Variants in SLTM observed in about 807,000 individuals in gnomAD.
SLTM encodes the protein SAFB-like transcription modulator.
A neutral mutation model predicts 134.6 loss-of-function variants in SLTM; 43 were observed. The ratio of observed to expected loss-of-function variants is 0.32; its 90% CI spans 0.25 to 0.41. SLTM has a LOEUF of 0.41. SLTM is among the 10% of genes least tolerant of loss of function. SLTM has a pLI of 1.00. For synonymous variants in SLTM, 424 were observed against 432.3 expected, an observed-to-expected ratio of 0.98 and a Z score of 0.24; for missense variants, 1,055 against 1,288.8, an observed-to-expected ratio of 0.82 and a Z score of 2.78.
chr15:58,886,332 T>C (rs1259593439), intron 19 of SLTM, among the ~76,000 whole-genome samples: 2 of 149,910 alleles, frequency 1.3e-5, no homozygotes, highest in African/African-American at 2.4e-5. Context: ...AGTGGCACCA[T>C]CTTGGCTCAC....
chr15:58,890,399 C>T lies in SLTM; in HGVS notation c.1961G>A (p.Arg654Gln). 1.9e-6 allele frequency: 3 copies of T among 1,614,032 alleles called. No individual in the cohort carries two copies. The highest frequency in any genetic ancestry group is 1.7e-5 in the Admixed American group (1 of 60,004). Residue 654 changes from arginine to glutamine, a missense_variant, in exon 15 of 21, where the codon CGG becomes CAG. Arg to Gln is a conservative substitution (Grantham distance 43). This residue lies in a region of SLTM where 776 missense variants were observed against 962.2 expected (regional missense o/e 0.81). Transcript: ENST00000380516. ...ERERIRIIREREERERLQRER... is the reference protein window; with the variant it reads ...ERERIRIIREQEERERLQRER... ...TCTCTGTAAGCGTTCCCGTTCTTCC[C>T]GTTCACGAATTATTCTAATGCGTTC... is the stretch of plus-strand genomic sequence containing the variant.
At chr15:58,931,133 T>C (rs1454355969) in intron 2 of SLTM, among the ~76,000 whole-genome samples, 2 of 152,200 alleles carry the variant, frequency 1.3e-5, no homozygotes, top group Admixed American at 6.5e-5. Flanking sequence ...TTGTTGGCAG[T>C]CTTCTCATGA....
Position 58,933,575 on chromosome 15 carries a change from G to A in SLTM, c.-10C>T, listed in dbSNP as rs764407403. ...CGGTAGCGGCAGCCATCTTAGAAGAGCAGCGCGCTGCCGAGGCAGCGAGTG... is the reference window on the plus strand; with the variant it reads ...CGGTAGCGGCAGCCATCTTAGAAGAACAGCGCGCTGCCGAGGCAGCGAGTG... On this transcript the variant is annotated 5_prime_UTR_variant, in exon 1 of 21. Transcript: ENST00000380516. The A allele has an allele frequency of 6.4e-7, 1 of 1,570,930 alleles. No homozygotes were observed. Among genetic ancestry groups the A allele is most frequent in the Non-Finnish European group, 8.6e-7 (1 of 1,160,692 alleles).
chr15:58,896,550 G>C (rs1235707500), intron 9 of SLTM, among the ~76,000 whole-genome samples: 7 of 151,642 alleles, frequency 4.6e-5, no homozygotes, highest in Admixed American at 4.6e-4. Context: ...GACACAGTGA[G>C]ACTGTGTCTC....
At chr15:58,882,857 G>T (rs1157724680) in intron 20 of SLTM, among the ~76,000 whole-genome samples, 2 of 152,250 alleles carry the variant, frequency 1.3e-5, no homozygotes, top group African/African-American at 4.8e-5. Flanking sequence ...AGAAAGTAAA[G>T]CTCGCCTCTT....
intron 13 of SLTM, 103 bp downstream of exon 13, chr15:58,893,176 G>A: frequency 1.4e-6 from 2 of 1,408,562 alleles, no homozygotes; most frequent in Admixed American, 2.4e-5. Context: ...TTTTTCTTGG[G>A]TTTGCTAGCA....
chr15:58,910,970 T>G (rs1249316073), intron 5 of SLTM, among the ~76,000 whole-genome samples: 3 of 152,040 alleles, frequency 2.0e-5, no homozygotes, highest in African/African-American at 7.3e-5. Flanking sequence ...TGTCTCCAAC[T>G]CCTGACCTTG....
intron 2 of SLTM, among the ~76,000 whole-genome samples, chr15:58,922,114 G>A (rs2037092659): frequency 6.6e-6 from 1 of 151,818 alleles, no homozygotes; most frequent in Non-Finnish European, 1.5e-5. Context: ...GGTGGCTCAC[G>A]CCTGTAATCC....
At chr15:58,916,600 T>C (rs896192955) in intron 3 of SLTM, 13 of 183,442 alleles carry the variant, frequency 7.1e-5, no homozygotes, top group Admixed American at 2.4e-4. Flanking sequence ...AAAAACAAAT[T>C]ACCAATATCC....
At chr15:58,896,320 A>G (rs1242764543) in intron 9 of SLTM, among the ~76,000 whole-genome samples, 1 of 152,114 alleles carries the variant, frequency 6.6e-6, no homozygotes, top group African/African-American at 2.4e-5. Flanking sequence ...GCACTTTGGG[A>G]GGCTGAGACT....
chr15:58,906,402 T>C (rs1162096386), intron 5 of SLTM, among the ~76,000 whole-genome samples: 1 of 152,240 alleles, frequency 6.6e-6, no homozygotes, highest in East Asian at 1.9e-4. Context: ...CAGTGGGATG[T>C]GCAATCCTTA....
intron 8 of SLTM, chr15:58,898,567 T>C: frequency 4.9e-6 from 2 of 404,718 alleles, no homozygotes; most frequent in South Asian, 2.6e-5. Context: ...AAGTGTTCCC[T>C]AGCTAATGGG....
intron 5 of SLTM, among the ~76,000 whole-genome samples, chr15:58,909,645 T>C (rs991510335): frequency 6.6e-5 from 10 of 152,200 alleles, no homozygotes; most frequent in East Asian, 1.9e-4. Context: ...TGCATCCAAA[T>C]AGAAGAATAC....
At chr15:58,891,007 A>C (rs2140979169) in intron 14 of SLTM, among the ~76,000 whole-genome samples, 1 of 152,334 alleles carries the variant, frequency 6.6e-6, no homozygotes, top group African/African-American at 2.4e-5. Flanking sequence ...TCCAGGTAAC[A>C]TGCTTTTCTG....
intron 5 of SLTM, among the ~76,000 whole-genome samples, chr15:58,902,474 C>T (rs2035553404): frequency 6.6e-6 from 1 of 151,508 alleles, no homozygotes; most frequent in Middle Eastern, 3.4e-3. Flanking sequence ...GCAGCCTCAA[C>T]CCCTGGGCTC....
Position 58,888,465 on chromosome 15 carries a change from C to A in SLTM, c.2295G>T (p.Gln765His). The stretch of plus-strand genomic sequence containing the variant: ...GGTGATCAAAGTCATTAAATCTGTT[C>A]TGTTGGCGAGAGTAGTCGGATCCAT... ...FGHGSDYSRQ[Q>H]NRFNDFDHRE... The change falls in exon 17 of 21, where the codon CAG becomes CAT. Residue 765 changes from glutamine (Q) to histidine (H), a missense_variant. Physicochemically the swap from Gln to His is conservative, Grantham distance 24. Coordinates refer to ENST00000380516, the MANE Select transcript of SLTM (RefSeq NM_024755.4). 1 of 1,614,094 alleles carries A rather than the reference C, an allele frequency of 6.2e-7. No homozygotes were observed. Among genetic ancestry groups the A allele is most frequent in the South Asian group, 1.1e-5 (1 of 91,072 alleles).
chr15:58,923,061 A>C (rs563569028), intron 2 of SLTM, among the ~76,000 whole-genome samples: 1 of 152,218 alleles, frequency 6.6e-6, no homozygotes, highest in Admixed American at 6.6e-5. Context: ...CCTATGCTGG[A>C]CACATGGAAA....
At position 58,899,102 on chromosome 15, in the gene SLTM, T is replaced by TCAAGTCC; in HGVS notation, c.1059-251_1059-250insGGACTTG. On this transcript the variant is annotated intron_variant, in intron 7 of 20. Transcript: ENST00000380516. The surrounding 1 kb of genome is among the most constrained non-coding windows in gnomAD (Gnocchi z 5.0). ...GAAATATGGCCATCTTCTCCAGATT[T>TCAAGTCC]CAGGACTGGGACTTGACTTCATTTT... is the stretch of plus-strand genomic sequence containing the variant. 1 of 449,566 alleles carries TCAAGTCC rather than the reference T, an allele frequency of 2.2e-6. No homozygotes were observed. The highest frequency in any genetic ancestry group is 3.9e-6 in the Non-Finnish European group (1 of 255,718). 27.8% of individuals were successfully genotyped at this position (449,566 alleles called of 1,614,324 possible).
At chr15:58,927,407 T>C (rs1019852738) in intron 2 of SLTM, among the ~76,000 whole-genome samples, 1 of 152,056 alleles carries the variant, frequency 6.6e-6, no homozygotes, top group Admixed American at 6.6e-5. Context: ...GTAGCGAGGA[T>C]TACAGATGCG....
Sources: allele counts gnomAD v4.1 joint callset (sites outside exome capture counted in the v4.1 genomes callset), GRCh38; gene constraint gnomAD v4.1.1; regional missense constraint gnomAD v4.1.1; non-coding constraint Gnocchi (gnomAD v3.1); transcripts MANE v1.5; gene names NCBI Gene and HGNC (gene_info 2026-07-23, HGNC 2026-07-21).